The following LRP12 variants were observed in gnomAD, a reference collection of about 807,000 sequenced individuals.
LRP12 encodes the protein LDL receptor related protein 12, also known as low-density lipoprotein receptor-related protein 12.
In LRP12, 14 loss-of-function variants were observed where a neutral mutation model predicts 66.0. The ratio of observed to expected loss-of-function variants is 0.21; its 90% CI spans 0.14 to 0.33. LRP12 has a LOEUF of 0.33. Ranked by LOEUF, LRP12 falls within the 10% of genes least tolerant of loss-of-function variation. The pLI is 1.00. For missense variants in LRP12, 889 were observed against 1,053.4 expected, an observed-to-expected ratio of 0.84 and a Z score of 2.16; for synonymous variants, 357 against 359.1, an observed-to-expected ratio of 0.99 and a Z score of 0.07.
At chr8:104,544,406 C>T (rs1161851309) in intron 1 of LRP12, among the ~76,000 whole-genome samples, 7 of 152,152 alleles carry the variant, frequency 4.6e-5, no homozygotes, top group Admixed American at 2.0e-4. Context: ...AAGGTGGCTA[C>T]ACGAGGCAAC....
At chr8:104,564,999 A>T (rs1289366435) in intron 1 of LRP12, among the ~76,000 whole-genome samples, 1 of 152,162 alleles carries the variant, frequency 6.6e-6, no homozygotes, top group East Asian at 1.9e-4. Flanking sequence ...TAAACTGAAG[A>T]ATCTTTAAAT....
chr8:104,518,223 TG>T (rs1273793625), intron 2 of LRP12, among the ~76,000 whole-genome samples: 1 of 152,124 alleles, frequency 6.6e-6, no homozygotes, highest in Non-Finnish European at 1.5e-5. Context: ...CTGATGATAA[TG>T]TTATAAAATT....
chr8:104,548,401 TA>T, intron 1 of LRP12, among the ~76,000 whole-genome samples: 1 of 96,258 alleles, frequency 1.0e-5, no homozygotes, highest in Admixed American at 1.6e-4. Flanking sequence ...ATATATTATA[TA>T]AATATATGAT....
In LRP12 at chr8:104,501,683, G is replaced by A. The variant is rs1460924663; in HGVS notation, c.273-2164C>T. Among the ~76,000 whole-genome samples the A allele has an allele frequency of 9.6e-5, 14 of 145,722 alleles. No individual in the cohort carries two copies. The South Asian group carries it at 2.9e-3, about 30-fold the overall frequency. ...CGCACCACTGCACCCCAGCCTGGGC[G>A]ACAGAGCAAGACTCCACCTCAAAAA... On this transcript the variant is annotated intron_variant, in intron 3 of 6. Coordinates refer to ENST00000276654, the MANE Select transcript of LRP12 (RefSeq NM_013437.5).
intron 1 of LRP12, among the ~76,000 whole-genome samples, chr8:104,540,827 T>G (rs556793963): frequency 4.8e-4 from 73 of 152,268 alleles, no homozygotes; most frequent in African/African-American, 1.6e-3. Context: ...TCCGACTCCC[T>G]GGTTAAAGCA....
chr8:104,513,422 T>C (rs970667314), intron 2 of LRP12, among the ~76,000 whole-genome samples: 1 of 152,218 alleles, frequency 6.6e-6, no homozygotes, highest in Non-Finnish European at 1.5e-5. Flanking sequence ...CTTCCCACTA[T>C]ATTTCTGATA....
intron 1 of LRP12, among the ~76,000 whole-genome samples, 167 bp downstream of exon 1, chr8:104,588,652 G>C (rs928736093): frequency 6.6e-6 from 1 of 152,060 alleles, no homozygotes; most frequent in East Asian, 2.0e-4. Context: ...AAGCATCTCC[G>C]TGTGGGGACA....
chr8:104,522,211 C>T (rs1392425269), intron 2 of LRP12, among the ~76,000 whole-genome samples: 1 of 151,962 alleles, frequency 6.6e-6, no homozygotes, highest in Non-Finnish European at 1.5e-5. Flanking sequence ...AATCTGAAAG[C>T]AAATTTATTG....
chr8:104,560,044 T>C (rs1482225951), intron 1 of LRP12, among the ~76,000 whole-genome samples: 4 of 152,132 alleles, frequency 2.6e-5, no homozygotes, highest in Non-Finnish European at 5.9e-5. Context: ...ATACAACTAA[T>C]ATAGAAACTT....
chr8:104,570,690 G>A (rs1026966982), intron 1 of LRP12, among the ~76,000 whole-genome samples: 1 of 151,960 alleles, frequency 6.6e-6, no homozygotes, highest in African/African-American at 2.4e-5. Context: ...AAAAGCAGAA[G>A]GAAACCTTTC....
At chr8:104,514,807 A>G (rs1811053790) in intron 2 of LRP12, among the ~76,000 whole-genome samples, 1 of 152,206 alleles carries the variant, frequency 6.6e-6, no homozygotes, top group Admixed American at 6.5e-5. Flanking sequence ...TATTTTGGTA[A>G]AAGACATAGC....
Position 104,588,836 on chromosome 8 carries a change from A to G in LRP12, c.62T>C (p.Phe21Ser). 6.2e-7 allele frequency: 1 copy of G among 1,612,478 alleles called. No homozygotes were observed. The highest frequency in any genetic ancestry group is 2.2e-5 in the East Asian group (1 of 44,752). Residue 21 changes from phenylalanine to serine, a missense_variant, in exon 1 of 7, where the codon TTC (phenylalanine) becomes TCC (serine). By Grantham distance (155) the Phe-to-Ser change is radical. Around this residue, in one of 3 missense-constraint regions of LRP12, gnomAD observed 88 missense variants for 72.5 expected, o/e 1.21. Coordinates refer to ENST00000276654, the MANE Select transcript of LRP12 (RefSeq NM_013437.5). ...ACACTTACCGTACACCCCAGCGAGGAAAAGCAAGAGCAACGCAGACCTCCA... is the reference window on the plus strand; with the variant it reads ...ACACTTACCGTACACCCCAGCGAGGGAAAGCAAGAGCAACGCAGACCTCCA... ...PRWRSALLLLFLAGVYGNGAL... is the reference protein window; with the variant it reads ...PRWRSALLLLSLAGVYGNGAL...
chr8:104,524,568 G>A (rs1310507332), intron 2 of LRP12, among the ~76,000 whole-genome samples: 1 of 151,990 alleles, frequency 6.6e-6, no homozygotes, highest in Non-Finnish European at 1.5e-5. Context: ...TGAATATGAA[G>A]GCTAAGGGAA....
intron 2 of LRP12, among the ~76,000 whole-genome samples, chr8:104,526,088 C>G (rs1360143890): frequency 6.6e-6 from 1 of 152,048 alleles, no homozygotes; most frequent in African/African-American, 2.4e-5. Context: ...ACAATTGCTT[C>G]AAAGAGAATA....
intron 1 of LRP12, among the ~76,000 whole-genome samples, chr8:104,548,186 A>ATAT (rs142896711): frequency 2.3e-5 from 2 of 88,822 alleles, no homozygotes; most frequent in East Asian, 2.6e-4. Context: ...AATATATAAT[A>ATAT]TATATATAAA....
chr8:104,584,013 G>C (rs918585554), intron 1 of LRP12, among the ~76,000 whole-genome samples: 2 of 151,878 alleles, frequency 1.3e-5, no homozygotes, highest in Middle Eastern at 3.2e-3. Context: ...TTAAAAAGAA[G>C]AGACTCTGAT....
intron 2 of LRP12, among the ~76,000 whole-genome samples, chr8:104,511,588 G>A (rs1398226429): frequency 6.6e-6 from 1 of 151,974 alleles, no homozygotes; most frequent in South Asian, 2.1e-4. Context: ...AAGAATGCTA[G>A]GAAGTATATT....
chr8:104,527,738 C>A (rs909056855), intron 2 of LRP12, among the ~76,000 whole-genome samples: 1 of 151,932 alleles, frequency 6.6e-6, no homozygotes, highest in Non-Finnish European at 1.5e-5. Context: ...TGCTAAATGA[C>A]GAGTTAATGG....
chr8:104,575,007 T>G (rs1211165137), intron 1 of LRP12, among the ~76,000 whole-genome samples: 2 of 151,498 alleles, frequency 1.3e-5, no homozygotes, highest in Non-Finnish European at 2.9e-5. Flanking sequence ...AAGAAAGTGG[T>G]GGAGAAAGAA....
Sources: gnomAD v4.1 joint callset for allele counts (sites outside exome capture counted in the v4.1 genomes callset) on GRCh38, gnomAD v4.1.1 for gene constraint, gnomAD v4.1.1 regional missense constraint, MANE v1.5 for transcripts, NCBI Gene and HGNC (gene_info 2026-07-23, HGNC 2026-07-21) for gene names.